The following STK32B variants were observed in gnomAD, a reference collection of about 807,000 sequenced individuals.
STK32B encodes the protein serine/threonine-protein kinase 32B.
STK32B carries 43 observed loss-of-function variants against 52.6 expected under a neutral mutation model. The observed-to-expected ratio is 0.82, with a 90% CI of 0.64 to 1.05. The LOEUF (loss-of-function observed/expected upper bound fraction) is 1.05, where lower values mean the gene tolerates loss of function less well. STK32B is among the 50% of genes least tolerant of loss of function. STK32B has a pLI of 0.00. For missense variants in STK32B, 621 were observed against 534.6 expected, an observed-to-expected ratio of 1.16 and a Z score of -1.59; for synonymous variants, 238 against 204.3, an observed-to-expected ratio of 1.17 and a Z score of -1.41.
chr4:5,311,966 A>T (rs548004375), intron 3 of STK32B, among the ~76,000 whole-genome samples: 16 of 151,198 alleles, frequency 1.1e-4, no homozygotes, highest in African/African-American at 2.4e-4. Flanking sequence ...AATCTTATTT[A>T]AAAAAATTAT....
intron 1 of STK32B, among the ~76,000 whole-genome samples, chr4:5,075,222 A>G (rs1196482793): frequency 6.6e-6 from 1 of 152,200 alleles, no homozygotes; most frequent in South Asian, 2.1e-4. Flanking sequence ...AGACCTTGGC[A>G]TTCCATTTTT....
intron 1 of STK32B, among the ~76,000 whole-genome samples, chr4:5,074,739 T>C (rs544326424): frequency 2.8e-4 from 43 of 152,306 alleles, no homozygotes; most frequent in South Asian, 6.2e-4. Context: ...CTCTCAGTTA[T>C]GTGATTTCTA....
intron 1 of STK32B, among the ~76,000 whole-genome samples, chr4:5,100,392 TC>T (rs1276838160): frequency 1.4e-5 from 2 of 138,592 alleles, no homozygotes; most frequent in African/African-American, 5.4e-5. Flanking sequence ...CTTCCTTCCT[TC>T]CTTCTTTCCT....
At chr4:5,155,047 C>T (rs1326586757) in intron 2 of STK32B, among the ~76,000 whole-genome samples, 1 of 152,172 alleles carries the variant, frequency 6.6e-6, no homozygotes, top group African/African-American at 2.4e-5. Flanking sequence ...CATTCTGTTC[C>T]AGCCCTTCTT....
At chr4:5,248,884 T>C (rs1199911742) in intron 3 of STK32B, among the ~76,000 whole-genome samples, 1 of 150,340 alleles carries the variant, frequency 6.7e-6, no homozygotes, top group African/African-American at 2.5e-5. Flanking sequence ...ATGAGAACAC[T>C]TGGACGCAGG....
chr4:5,368,226 G>T (rs931255608), intron 4 of STK32B, among the ~76,000 whole-genome samples: 3 of 152,136 alleles, frequency 2.0e-5, no homozygotes, highest in Non-Finnish European at 2.9e-5. Flanking sequence ...TGTTAGGTCT[G>T]CCTCTAAGGG....
chr4:5,067,175 A>G (rs1481646877), intron 1 of STK32B, among the ~76,000 whole-genome samples: 3 of 152,214 alleles, frequency 2.0e-5, no homozygotes. Flanking sequence ...AACCAAGTGA[A>G]AGGGGTTTCC....
chr4:5,316,141 A>C (rs1264067542), intron 3 of STK32B, among the ~76,000 whole-genome samples: 1 of 98,812 alleles, frequency 1.0e-5, no homozygotes, highest in Admixed American at 1.2e-4. Flanking sequence ...AGTTATATAT[A>C]TATATAACTA....
At chr4:5,270,653 A>G (rs1409285075) in intron 3 of STK32B, among the ~76,000 whole-genome samples, 2 of 152,178 alleles carry the variant, frequency 1.3e-5, no homozygotes, top group Non-Finnish European at 2.9e-5. Flanking sequence ...TGGAACAAAT[A>G]TCCACTCTCA....
chr4:5,256,439 C>A (rs937548461), intron 3 of STK32B, among the ~76,000 whole-genome samples: 14 of 152,210 alleles, frequency 9.2e-5, no homozygotes, highest in African/African-American at 3.1e-4. Flanking sequence ...TAAAAGAACA[C>A]ACCCAGAGCA....
intron 4 of STK32B, among the ~76,000 whole-genome samples, chr4:5,335,909 A>G (rs1438168671): frequency 6.6e-6 from 1 of 151,516 alleles, no homozygotes; most frequent in African/African-American, 2.4e-5. Context: ...CTATGTGGTC[A>G]ATTTTGGAAT....
chr4:5,101,260 C>A (rs1395263052), intron 1 of STK32B, among the ~76,000 whole-genome samples: 1 of 152,104 alleles, frequency 6.6e-6, no homozygotes, highest in African/African-American at 2.4e-5. Context: ...ATATTTGGGG[C>A]ACACACGGTG....
intron 1 of STK32B, among the ~76,000 whole-genome samples, chr4:5,055,036 G>A (rs79453187): frequency 3.3e-5 from 5 of 152,062 alleles, no homozygotes; most frequent in Admixed American, 1.3e-4. Flanking sequence ...GGTGAAAAAG[G>A]GCACGTTAGC....
chr4:5,074,188 A>ATATATGTGTGTGTGTGTGTGTGTGTG (rs375845988), intron 1 of STK32B, among the ~76,000 whole-genome samples: 6 of 148,798 alleles, frequency 4.0e-5, no homozygotes, highest in African/African-American at 1.5e-4. Context: ...AAATATATAT[A>ATATATGTGTGTGTGTGTGTGTGTGTG]TGTGTGTGTG....
At chr4:5,423,177 G>A (rs911684008) in intron 6 of STK32B, among the ~76,000 whole-genome samples, 10 of 152,116 alleles carry the variant, frequency 6.6e-5, no homozygotes, top group African/African-American at 9.7e-5. Flanking sequence ...TGGAGAAACC[G>A]ATGAGTAACA....
intron 3 of STK32B, among the ~76,000 whole-genome samples, chr4:5,196,253 C>G (rs115098779): frequency 0.01 from 1,587 of 151,790 alleles, 30 homozygotes; most frequent in African/African-American, 0.036. Flanking sequence ...ATGCTGAGGG[C>G]CTGCGTGGGC....
At chr4:5,429,398 T>C (rs1004433140) in intron 6 of STK32B, among the ~76,000 whole-genome samples, 1 of 152,164 alleles carries the variant, frequency 6.6e-6, no homozygotes, top group Non-Finnish European at 1.5e-5. Flanking sequence ...AGTTGATCCT[T>C]ACTTATGATT....
In STK32B at chr4:5,398,971, G is replaced by C. The variant is rs1201382628; in HGVS notation, c.472+727G>C. On this transcript the variant is annotated intron_variant, in intron 5 of 11. Coordinates refer to ENST00000282908, the MANE Select transcript of STK32B (RefSeq NM_018401.3). The surrounding 1 kb of genome is among the most constrained non-coding windows in gnomAD (Gnocchi z 4.9). ...GGGACCTGGTAAAAATCAGAGGTCA[G>C]GCCCGGTCCTGCTTCAGCAAGCCTG... is the stretch of plus-strand genomic sequence containing the variant. 1.3e-5 allele frequency among the ~76,000 whole-genome samples: 2 copies of C among 152,204 alleles called. No homozygotes were observed. The highest frequency in any genetic ancestry group is 3.2e-3 in the Middle Eastern group (1 of 316).
At chr4:5,211,531 A>G (rs1254214097) in intron 3 of STK32B, among the ~76,000 whole-genome samples, 1 of 152,168 alleles carries the variant, frequency 6.6e-6, no homozygotes, top group Non-Finnish European at 1.5e-5. Flanking sequence ...GGGGGAAAGC[A>G]CTTGTGTGTG....
Sources: gnomAD v4.1 joint callset for allele counts (sites outside exome capture counted in the v4.1 genomes callset) on GRCh38, gnomAD v4.1.1 for gene constraint, Gnocchi (gnomAD v3.1) non-coding constraint, MANE v1.5 for transcripts, NCBI Gene and HGNC (gene_info 2026-07-23, HGNC 2026-07-21) for gene names.